VAV3: variants seen among roughly 807,000 people sequenced by gnomAD.
The protein encoded by VAV3 is vav guanine nucleotide exchange factor 3.
VAV3 carries 94 observed loss-of-function variants against 131.2 expected under a neutral mutation model. That is an observed-to-expected ratio of 0.72 (90% CI 0.61 to 0.85). VAV3 has a LOEUF of 0.85. Ranked by LOEUF, VAV3 falls within the 40% of genes least tolerant of loss-of-function variation. The pLI is 0.00. For synonymous variants in VAV3, 349 were observed against 342.0 expected (o/e 1.02, Z -0.22); for missense variants, 939 against 1,002.7 (o/e 0.94, Z 0.86).
At chr1:107,733,475 C>T (rs116785550) in intron 15 of VAV3, among the ~76,000 whole-genome samples, 2,358 of 152,188 alleles carry the variant, frequency 0.015, 63 homozygotes, top group African/African-American at 0.053. Context: ...CTCATCTCAA[C>T]GAAGCTAAAA....
chr1:107,945,814 C>T (rs1392650812), intron 1 of VAV3, among the ~76,000 whole-genome samples: 2 of 86,872 alleles, frequency 2.3e-5, no homozygotes, highest in Non-Finnish European at 4.3e-5. Context: ...AAGAGCAAAA[C>T]TCCGACTCAA....
intron 1 of VAV3, among the ~76,000 whole-genome samples, chr1:107,888,869 T>C (rs1671166807): frequency 6.6e-6 from 1 of 152,156 alleles, no homozygotes; most frequent in Non-Finnish European, 1.5e-5. Flanking sequence ...TGATATTCTT[T>C]CTCGGCACGC....
At chr1:107,776,320 A>G (rs935098159) in intron 4 of VAV3, among the ~76,000 whole-genome samples, 3 of 152,240 alleles carry the variant, frequency 2.0e-5, no homozygotes, top group Non-Finnish European at 4.4e-5. Flanking sequence ...ACAAAAGTGT[A>G]CCTTCTAATG....
chr1:107,720,241 C>T (rs538907699), intron 15 of VAV3, among the ~76,000 whole-genome samples: 4 of 151,532 alleles, frequency 2.6e-5, no homozygotes, highest in Admixed American at 1.3e-4. Context: ...AAATTAGCCA[C>T]GTATGGTGGC....
chr1:107,950,163 A>G (rs1408739362), intron 1 of VAV3, among the ~76,000 whole-genome samples: 2 of 152,142 alleles, frequency 1.3e-5, no homozygotes, highest in Non-Finnish European at 2.9e-5. Context: ...ATAGTGTCCA[A>G]CTTCTCAGAA....
At chr1:107,618,132 G>C (rs1423092506) in intron 20 of VAV3, among the ~76,000 whole-genome samples, 1 of 152,098 alleles carries the variant, frequency 6.6e-6, no homozygotes, top group Non-Finnish European at 1.5e-5. Context: ...TGACAGGAGG[G>C]GGAACTCAGG....
intron 1 of VAV3, among the ~76,000 whole-genome samples, chr1:107,876,458 G>T (rs1206126360): frequency 6.6e-6 from 1 of 152,138 alleles, no homozygotes; most frequent in Non-Finnish European, 1.5e-5. Flanking sequence ...TTTCTGTTTT[G>T]ATGGGAATAA....
In VAV3 at chr1:107,755,446, T is replaced by C. The variant is rs1664049446; in HGVS notation, c.1154A>G (p.Gln385Arg). 6.2e-7 allele frequency: 1 copy of C among 1,613,026 alleles called. No individual in the cohort carries two copies. The highest frequency in any genetic ancestry group is 1.7e-5 in the Admixed American group (1 of 59,980). The change falls in exon 12 of 27, where the codon CAG becomes CGG. Residue 385 changes from glutamine (Q) to arginine (R), a missense_variant. By Grantham distance (43) the Gln-to-Arg change is conservative. Coordinates refer to ENST00000370056, the MANE Select transcript of VAV3 (RefSeq NM_006113.5). ...ACATACCAAATTCTCTATAGATAGC[T>C]GAAACTGTTTAATTTCACGAAGGGT... ...NETLREIKQF[Q>R]LSIENLNQPV...
chr1:107,817,817 A>G (rs1667625445), intron 2 of VAV3, among the ~76,000 whole-genome samples: 1 of 151,976 alleles, frequency 6.6e-6, no homozygotes, highest in African/African-American at 2.4e-5. Context: ...GACAGAAGAG[A>G]AAAAAAAGGC....
At chr1:107,576,517 A>C in intron 25 of VAV3, 1 of 1,455,048 alleles carries the variant, frequency 6.9e-7, no homozygotes, top group Non-Finnish European at 9.1e-7. Flanking sequence ...AAGAGCATTT[A>C]GGTATTGGCA....
At chr1:107,744,574 T>A (rs1663218599) in intron 15 of VAV3, among the ~76,000 whole-genome samples, 1 of 152,242 alleles carries the variant, frequency 6.6e-6, no homozygotes, top group Admixed American at 6.5e-5. Flanking sequence ...TTTCTTTTGC[T>A]AACTTTTCTT....
At chr1:107,615,569 C>T (rs1394895623) in intron 21 of VAV3, among the ~76,000 whole-genome samples, 1 of 152,064 alleles carries the variant, frequency 6.6e-6, no homozygotes, top group Admixed American at 6.6e-5. Flanking sequence ...ATGCCAAAAG[C>T]AACTGCAACA....
intron 25 of VAV3, among the ~76,000 whole-genome samples, chr1:107,590,963 T>C (rs1650902666): frequency 6.6e-6 from 1 of 152,166 alleles, no homozygotes. Flanking sequence ...TCATGCCATT[T>C]TCTGTCTGTA....
chr1:107,654,584 TACTA>T (rs1413064699), intron 19 of VAV3, among the ~76,000 whole-genome samples: 3 of 152,038 alleles, frequency 2.0e-5, no homozygotes. Flanking sequence ...ATCTGAAAAC[TACTA>T]ACTCTCTCCC....
At chr1:107,574,019 C>G in intron 26 of VAV3, 28 bp downstream of exon 26, 1 of 1,610,536 alleles carries the variant, frequency 6.2e-7, no homozygotes, top group Non-Finnish European at 8.5e-7. Flanking sequence ...CTTTCACATG[C>G]ACCAGCACAT....
At chr1:107,617,417 C>A (rs1653241860) in intron 21 of VAV3, 150 bp downstream of exon 21, 2 of 623,386 alleles carry the variant, frequency 3.2e-6, no homozygotes, top group Non-Finnish European at 5.2e-6. Flanking sequence ...GACAATAGAA[C>A]TATAATGATG....
intron 1 of VAV3, among the ~76,000 whole-genome samples, chr1:107,928,158 C>T (rs891418558): frequency 2.0e-5 from 3 of 152,166 alleles, no homozygotes; most frequent in Admixed American, 2.0e-4. Flanking sequence ...TTATCAAAGA[C>T]CATCAAGGCG....
chr1:107,945,250 A>T (rs1008505946), intron 1 of VAV3, among the ~76,000 whole-genome samples: 1 of 152,174 alleles, frequency 6.6e-6, no homozygotes, highest in Non-Finnish European at 1.5e-5. Flanking sequence ...AAAAAACAAG[A>T]TCTTATTTAA....
At chr1:107,937,227 C>G (rs184848003) in intron 1 of VAV3, among the ~76,000 whole-genome samples, 14 of 152,290 alleles carry the variant, frequency 9.2e-5, no homozygotes, top group African/African-American at 3.1e-4. Context: ...AAATTCAAAA[C>G]ACCACCATGA....
Sources: allele counts gnomAD v4.1 joint callset (sites outside exome capture counted in the v4.1 genomes callset), GRCh38; gene constraint gnomAD v4.1.1; transcripts MANE v1.5; gene names NCBI Gene and HGNC (gene_info 2026-07-23, HGNC 2026-07-21).